Variants in KCNIP4 observed in about 807,000 individuals in gnomAD.
KCNIP4 encodes potassium voltage-gated channel interacting protein 4.
Under a neutral mutation model 34.0 loss-of-function variants are expected in KCNIP4, and 12 were observed. The ratio of observed to expected loss-of-function variants is 0.35; its 90% CI spans 0.23 to 0.57. The LOEUF (loss-of-function observed/expected upper bound fraction) is 0.57. KCNIP4 is among the 20% of genes least tolerant of loss of function. The pLI is 0.83. For missense variants in KCNIP4, 238 were observed against 311.7 expected, an observed-to-expected ratio of 0.76 and a Z score of 1.78; for synonymous variants, 124 against 102.2, an observed-to-expected ratio of 1.21 and a Z score of -1.29.
intron 1 of KCNIP4, among the ~76,000 whole-genome samples, chr4:21,418,097 C>A (rs376606294): frequency 6.6e-6 from 1 of 152,092 alleles, no homozygotes; most frequent in Admixed American, 6.5e-5. Context: ...AGCCAGATAA[C>A]TTAAGTCTGA....
At chr4:21,545,338 G>A (rs1217532421) in intron 1 of KCNIP4, among the ~76,000 whole-genome samples, 2 of 152,170 alleles carry the variant, frequency 1.3e-5, no homozygotes, top group East Asian at 1.9e-4. Flanking sequence ...AGCAGCCCTC[G>A]GGGCTGCTCT....
At chr4:21,218,000 AATTT>A (rs1236044838) in intron 1 of KCNIP4, among the ~76,000 whole-genome samples, 4 of 122,358 alleles carry the variant, frequency 3.3e-5, no homozygotes, top group African/African-American at 7.7e-5. Context: ...TTTTTTTTTA[AATTT>A]ATTTATTTAT....
intron 1 of KCNIP4, among the ~76,000 whole-genome samples, chr4:21,182,744 T>C (rs1344859798): frequency 6.6e-6 from 1 of 152,068 alleles, no homozygotes; most frequent in Non-Finnish European, 1.5e-5. Flanking sequence ...TAAAAAATTA[T>C]TTTTAAATTG....
At chr4:21,126,510 C>A (rs144392569) in intron 1 of KCNIP4, among the ~76,000 whole-genome samples, 1 of 150,564 alleles carries the variant, frequency 6.6e-6, no homozygotes, top group South Asian at 2.1e-4. Flanking sequence ...CAGATTTGAG[C>A]CATTGTGTAT....
chr4:21,375,119 G>T lies in KCNIP4; in HGVS notation c.62-492410C>A, dbSNP rs182650019. Reference sequence around the variant, plus strand: ...TAAATTTCCCAACAGCTTGCAAATAGGTTACTCAAGTATTCAAAAGCAGAA... The same window carrying T: ...TAAATTTCCCAACAGCTTGCAAATATGTTACTCAAGTATTCAAAAGCAGAA... On this transcript the variant is annotated intron_variant, in intron 1 of 8. Coordinates refer to ENST00000382152, the MANE Select transcript of KCNIP4 (RefSeq NM_025221.6). Among the ~76,000 whole-genome samples, 16 of 147,518 alleles carry T rather than the reference G, an allele frequency of 1.1e-4. 1 individual carries two copies. In the East Asian group the frequency reaches 2.8e-3, roughly 26 times the overall value.
At chr4:21,507,813 C>A (rs1452574985) in intron 1 of KCNIP4, among the ~76,000 whole-genome samples, 1 of 152,122 alleles carries the variant, frequency 6.6e-6, no homozygotes, top group Non-Finnish European at 1.5e-5. Flanking sequence ...CATTAAGAAG[C>A]AAATACATCC....
chr4:21,269,663 G>A lies in KCNIP4; in HGVS notation c.62-386954C>T, dbSNP rs191311830. ...TCCCACCTCAGCCTCTTAAAGTGCT[G>A]GGATTTTAGGCATGAGCCACTGCGC... On this transcript the variant is annotated intron_variant, in intron 1 of 8. Coordinates refer to ENST00000382152, the MANE Select transcript of KCNIP4 (RefSeq NM_025221.6). Among the ~76,000 whole-genome samples, 643 of 152,242 alleles carry A rather than the reference G, an allele frequency of 4.2e-3. 5 individuals are homozygous for A. The highest frequency in any genetic ancestry group is 0.014 in the African/African-American group (597 of 41,554).
At chr4:21,342,748 A>G (rs184383054) in intron 1 of KCNIP4, among the ~76,000 whole-genome samples, 30 of 152,108 alleles carry the variant, frequency 2.0e-4, no homozygotes, top group African/African-American at 6.7e-4. Context: ...TATATCCCCT[A>G]CAGGAAAGAA....
At chr4:21,632,344 C>T (rs971563394) in intron 1 of KCNIP4, among the ~76,000 whole-genome samples, 2 of 152,012 alleles carry the variant, frequency 1.3e-5, no homozygotes, top group Admixed American at 1.3e-4. Context: ...CTCCTGAGTA[C>T]CTGAGATTAC....
chr4:21,701,816 G>C (rs566420936), intron 1 of KCNIP4, among the ~76,000 whole-genome samples: 4 of 151,920 alleles, frequency 2.6e-5, no homozygotes, highest in Non-Finnish European at 5.9e-5. Flanking sequence ...TGATTCTCCT[G>C]CCTCAGCCTC....
At chr4:21,278,000 T>C (rs1327063090) in intron 1 of KCNIP4, among the ~76,000 whole-genome samples, 2 of 152,112 alleles carry the variant, frequency 1.3e-5, no homozygotes, top group African/African-American at 2.4e-5. Context: ...CTTTAAAAAA[T>C]CGGAAGAAAA....
intron 1 of KCNIP4, among the ~76,000 whole-genome samples, chr4:20,941,974 T>C (rs1395828926): frequency 1.3e-5 from 2 of 152,182 alleles, no homozygotes; most frequent in African/African-American, 2.4e-5. Flanking sequence ...TGCTAAGCAC[T>C]GAGGAAATAA....
At chr4:21,233,999 A>AACACATAAC (rs1404128626) in intron 1 of KCNIP4, among the ~76,000 whole-genome samples, 1 of 114,242 alleles carries the variant, frequency 8.8e-6, no homozygotes, top group African/African-American at 3.8e-5. Flanking sequence ...TAACATGTAT[A>AACACATAAC]ATATATAACA....
intron 1 of KCNIP4, among the ~76,000 whole-genome samples, chr4:21,567,173 A>G (rs1739959150): frequency 6.6e-6 from 1 of 152,180 alleles, no homozygotes; most frequent in Non-Finnish European, 1.5e-5. Flanking sequence ...TACTTTAAGA[A>G]CAAATCCACA....
intron 1 of KCNIP4, among the ~76,000 whole-genome samples, chr4:21,494,571 G>A (rs935018896): frequency 6.6e-6 from 1 of 151,844 alleles, no homozygotes; most frequent in Non-Finnish European, 1.5e-5. Flanking sequence ...TCAGGAGTTC[G>A]AGACCAGCTT....
chr4:20,867,260 C>T (rs754196044), intron 2 of KCNIP4, among the ~76,000 whole-genome samples: 24 of 151,846 alleles, frequency 1.6e-4, no homozygotes, highest in South Asian at 4.2e-4. Flanking sequence ...CATCACACTA[C>T]CTGATTTTAA....
intron 1 of KCNIP4, among the ~76,000 whole-genome samples, chr4:21,226,499 T>C (rs888353375): frequency 1.3e-5 from 2 of 152,186 alleles, no homozygotes; most frequent in African/African-American, 4.8e-5. Context: ...TTAAAAAGTC[T>C]AAATAATTGA....
At chr4:21,815,411 A>G (rs907349973) in intron 1 of KCNIP4, among the ~76,000 whole-genome samples, 1 of 152,188 alleles carries the variant, frequency 6.6e-6, no homozygotes, top group Non-Finnish European at 1.5e-5. Context: ...GTTAATATCA[A>G]TCATTACCAA....
At chr4:21,104,029 G>A (rs369997994) in intron 1 of KCNIP4, among the ~76,000 whole-genome samples, 51 of 143,290 alleles carry the variant, frequency 3.6e-4, no homozygotes, top group Non-Finnish European at 5.6e-4. Flanking sequence ...ATTGTGAATA[G>A]TGCCTCAATA....
Sources: allele counts gnomAD v4.1 joint callset (sites outside exome capture counted in the v4.1 genomes callset), GRCh38; gene constraint gnomAD v4.1.1; transcripts MANE v1.5; gene names NCBI Gene and HGNC (gene_info 2026-07-23, HGNC 2026-07-21).